Variants in NCAM2 observed in about 807,000 individuals in gnomAD.
The protein encoded by NCAM2 is neural cell adhesion molecule 2, also known as N-CAM-2.
Under a neutral mutation model 98.1 loss-of-function variants are expected in NCAM2, and 30 were observed. The ratio of observed to expected loss-of-function variants is 0.31; its 90% CI spans 0.23 to 0.41. The LOEUF (loss-of-function observed/expected upper bound fraction) is 0.41. Among genes scored for constraint, NCAM2 ranks in the 10% least tolerant of loss-of-function variants. The probability of loss-of-function intolerance (pLI) is 1.00; values close to 1 mark genes in which losing one functional copy is unlikely to be tolerated. For synonymous variants in NCAM2, 368 were observed against 342.4 expected, an observed-to-expected ratio of 1.07 and a Z score of -0.83; for missense variants, 867 against 1,005.8, an observed-to-expected ratio of 0.86 and a Z score of 1.87.
rs575737629 is a variant in NCAM2, at chr21:21,214,041, G to A, written c.56-66537G>A. 5.3e-5 allele frequency among the ~76,000 whole-genome samples: 8 copies of A among 152,200 alleles called. No individual in the cohort carries two copies. In the East Asian group the frequency reaches 1.5e-3, roughly 29 times the overall value. On this transcript the variant is annotated intron_variant, in intron 1 of 17. Coordinates refer to ENST00000400546, the MANE Select transcript of NCAM2 (RefSeq NM_004540.5). ...ACCTGAACACCAACTTCTACTTTAA[G>A]CTCAACCTGGTAAGACATAACAAAA... is the stretch of plus-strand genomic sequence containing the variant.
At chr21:21,227,234 G>A (rs2070423391) in intron 1 of NCAM2, among the ~76,000 whole-genome samples, 1 of 151,732 alleles carries the variant, frequency 6.6e-6, no homozygotes. Context: ...TATAATTGAT[G>A]ACAGTAAATC....
At chr21:21,225,835 G>A (rs1024192701) in intron 1 of NCAM2, among the ~76,000 whole-genome samples, 1 of 151,950 alleles carries the variant, frequency 6.6e-6, no homozygotes, top group South Asian at 2.1e-4. Context: ...GTCATACGTA[G>A]TAATATCTAA....
chr21:21,049,270 C>G (rs892147572), intron 1 of NCAM2, among the ~76,000 whole-genome samples: 1 of 151,686 alleles, frequency 6.6e-6, no homozygotes, highest in Non-Finnish European at 1.5e-5. Flanking sequence ...CCACCCGCCT[C>G]GGCCTCGCAT....
intron 1 of NCAM2, among the ~76,000 whole-genome samples, chr21:21,005,727 G>T (rs73228143): frequency 0.061 from 9,164 of 151,442 alleles, 266 homozygotes; most frequent in African/African-American, 0.06. Context: ...ATTTAAGTCA[G>T]CTTCTCTGCT....
intron 1 of NCAM2, among the ~76,000 whole-genome samples, chr21:21,182,929 A>G (rs1333159854): frequency 1.3e-5 from 2 of 152,158 alleles, no homozygotes; most frequent in East Asian, 1.9e-4. Flanking sequence ...ATAGTCCAGC[A>G]AAAGTAAGAT....
chr21:21,411,032 ACACACATATATATATGTG>A (rs2076849875), intron 10 of NCAM2, among the ~76,000 whole-genome samples: 1 of 82,540 alleles, frequency 1.2e-5, no homozygotes, highest in Non-Finnish European at 2.2e-5. Flanking sequence ...ATATATATAT[ACACACATATATATATGTG>A]TGTGTATATA....
At chr21:21,354,731 A>G (rs1023012757) in intron 8 of NCAM2, among the ~76,000 whole-genome samples, 1 of 152,300 alleles carries the variant, frequency 6.6e-6, no homozygotes, top group Admixed American at 6.5e-5. Context: ...TTGTGGGTCC[A>G]TGCACTTTTC....
intron 15 of NCAM2, among the ~76,000 whole-genome samples, chr21:21,499,766 A>G (rs111278810): frequency 0.013 from 2,036 of 152,256 alleles, 19 homozygotes; most frequent in Non-Finnish European, 0.02. Flanking sequence ...GCTTGAGCCT[A>G]AAAGAGCATT....
chr21:21,488,250 A>G (rs1490057697), intron 15 of NCAM2, among the ~76,000 whole-genome samples: 2 of 146,104 alleles, frequency 1.4e-5, no homozygotes, highest in African/African-American at 5.2e-5. Flanking sequence ...ACACAATAAT[A>G]TGCAATTTGT....
chr21:21,325,720 T>A (rs2074493868), intron 6 of NCAM2, among the ~76,000 whole-genome samples: 1 of 152,228 alleles, frequency 6.6e-6, no homozygotes, highest in South Asian at 2.1e-4. Context: ...TACAATCTTT[T>A]TTCCTATGGT....
At chr21:21,141,158 A>T (rs747128729) in intron 1 of NCAM2, among the ~76,000 whole-genome samples, 1 of 152,168 alleles carries the variant, frequency 6.6e-6, no homozygotes, top group Non-Finnish European at 1.5e-5. Context: ...AACGTATAAC[A>T]CTTTTGTAAA....
intron 9 of NCAM2, among the ~76,000 whole-genome samples, chr21:21,396,161 GA>G (rs34951356): frequency 0.082 from 11,232 of 137,570 alleles, 1,007 homozygotes; most frequent in African/African-American, 0.23. Flanking sequence ...AAATCAGCAA[GA>G]AAAAAAAAAA....
intron 1 of NCAM2, among the ~76,000 whole-genome samples, chr21:21,265,696 G>A (rs562981641): frequency 2.3e-4 from 35 of 151,738 alleles, no homozygotes; most frequent in African/African-American, 8.5e-4. Context: ...ACTTATAAGT[G>A]GGAGCTAAGC....
chr21:21,446,333 C>T (rs1419338894), intron 12 of NCAM2, among the ~76,000 whole-genome samples: 1 of 151,926 alleles, frequency 6.6e-6, no homozygotes, highest in Non-Finnish European at 1.5e-5. Flanking sequence ...TGCGGAGTAT[C>T]TTAGTAGTGT....
intron 1 of NCAM2, among the ~76,000 whole-genome samples, chr21:21,244,010 G>C (rs1221712821): frequency 1.3e-5 from 2 of 152,176 alleles, no homozygotes; most frequent in Non-Finnish European, 2.9e-5. Flanking sequence ...TAGGACCCAA[G>C]CATGGGTAAA....
chr21:21,146,005 C>G (rs924626949), intron 1 of NCAM2, among the ~76,000 whole-genome samples: 2 of 152,094 alleles, frequency 1.3e-5, no homozygotes, highest in Non-Finnish European at 2.9e-5. Flanking sequence ...CTTTAAATAG[C>G]AGTTCTGCCT....
intron 16 of NCAM2, among the ~76,000 whole-genome samples, chr21:21,524,059 C>A (rs1054085611): frequency 6.9e-6 from 1 of 144,186 alleles, no homozygotes; most frequent in African/African-American, 2.6e-5. Context: ...CACACACACA[C>A]AATAAGAATA....
chr21:21,016,355 T>C (rs2064308483), intron 1 of NCAM2, among the ~76,000 whole-genome samples: 1 of 152,212 alleles, frequency 6.6e-6, no homozygotes, highest in Non-Finnish European at 1.5e-5. Flanking sequence ...AAGCCAACGT[T>C]TATAAAGTTC....
chr21:21,368,096 T>A (rs2148024778), intron 8 of NCAM2, among the ~76,000 whole-genome samples: 1 of 151,996 alleles, frequency 6.6e-6, no homozygotes, highest in South Asian at 2.1e-4. Context: ...AAATATTATT[T>A]TTAAAGTATT....
Sources: allele counts gnomAD v4.1 joint callset (sites outside exome capture counted in the v4.1 genomes callset), GRCh38; gene constraint gnomAD v4.1.1; transcripts MANE v1.5; gene names NCBI Gene and HGNC (gene_info 2026-07-23, HGNC 2026-07-21).